GPC6: variants seen among roughly 807,000 people sequenced by gnomAD.
The protein encoded by GPC6 is glypican 6, also known as glypican-6.
GPC6 carries 14 observed loss-of-function variants against 55.2 expected under a neutral mutation model. The ratio of observed to expected loss-of-function variants is 0.25; its 90% CI spans 0.17 to 0.40. The LOEUF (loss-of-function observed/expected upper bound fraction) is 0.40. GPC6 is among the 10% of genes least tolerant of loss of function. The probability of loss-of-function intolerance (pLI) is 1.00; values close to 1 mark genes in which losing one functional copy is unlikely to be tolerated. For missense variants in GPC6, 641 were observed against 708.5 expected (o/e 0.90, Z 1.08); for synonymous variants, 278 against 259.6 (o/e 1.07, Z -0.68).
chr13:93,430,176 T>C (rs1877303496), intron 1 of GPC6, among the ~76,000 whole-genome samples: 1 of 152,102 alleles, frequency 6.6e-6, no homozygotes, highest in Admixed American at 6.6e-5. Flanking sequence ...ACTGACAAAA[T>C]AGTAACTGAT....
At chr13:93,789,563 A>ACT (rs1594458639) in intron 2 of GPC6, among the ~76,000 whole-genome samples, 1 of 114,700 alleles carries the variant, frequency 8.7e-6, no homozygotes, top group East Asian at 2.3e-4. Context: ...CTTAGTTAAT[A>ACT]ATATATATAT....
chr13:93,991,275 G>T (rs892358520), intron 3 of GPC6, among the ~76,000 whole-genome samples: 3 of 152,028 alleles, frequency 2.0e-5, no homozygotes, highest in African/African-American at 7.2e-5. Flanking sequence ...AAGAAATATT[G>T]CTTAGGAAGA....
At chr13:93,916,834 A>G (rs1032120942) in intron 3 of GPC6, among the ~76,000 whole-genome samples, 12 of 152,168 alleles carry the variant, frequency 7.9e-5, no homozygotes, top group African/African-American at 2.6e-4. Context: ...TTATTTTATT[A>G]TTATTATTTT....
chr13:93,358,330 A>C (rs1249274651), intron 1 of GPC6, among the ~76,000 whole-genome samples: 1 of 152,096 alleles, frequency 6.6e-6, no homozygotes, highest in Non-Finnish European at 1.5e-5. Context: ...ACAGAGTAAG[A>C]CCTTGTCTCA....
intron 4 of GPC6, among the ~76,000 whole-genome samples, chr13:94,187,649 A>C (rs772305759): frequency 6.6e-6 from 1 of 152,198 alleles, no homozygotes; most frequent in Non-Finnish European, 1.5e-5. Context: ...TCGGGCAAAC[A>C]TTGTTCTAGG....
At chr13:94,230,692 T>C (rs539009922) in intron 4 of GPC6, among the ~76,000 whole-genome samples, 72 of 152,306 alleles carry the variant, frequency 4.7e-4, no homozygotes, top group African/African-American at 1.7e-3. Flanking sequence ...TCTCAGAGGA[T>C]TGTTGAGAGT....
chr13:94,186,804 A>G (rs1479746997), intron 4 of GPC6: 1 of 152,234 alleles, frequency 6.6e-6, no homozygotes. Flanking sequence ...GTAGAATTAT[A>G]CCAGAGTTAG....
rs1881409232 is a variant in GPC6, at chr13:94,407,326, G to C, written c.*4109G>C. On this transcript the variant is annotated 3_prime_UTR_variant, in exon 9 of 9. Coordinates refer to ENST00000377047, the MANE Select transcript of GPC6 (RefSeq NM_005708.5). Reference sequence around the variant, plus strand: ...TGTGACTGTCAAATGAATATTATTTGGGTTAAGATTTTTCATTTCTGATTT... The same window carrying C: ...TGTGACTGTCAAATGAATATTATTTCGGTTAAGATTTTTCATTTCTGATTT... 6.6e-6 allele frequency: 1 copy of C among 151,954 alleles called. No individual in the cohort carries two copies. The highest frequency in any genetic ancestry group is 2.4e-5 in the African/African-American group (1 of 41,390). 9.4% of individuals were successfully genotyped at this position (151,954 alleles called of 1,614,324 possible).
intron 4 of GPC6, among the ~76,000 whole-genome samples, chr13:94,120,482 G>C (rs1461910206): frequency 6.6e-6 from 1 of 151,714 alleles, no homozygotes. Flanking sequence ...GGATTAAGTT[G>C]GGATGCATCT....
chr13:94,115,071 G>A (rs1886388896), intron 4 of GPC6, among the ~76,000 whole-genome samples: 1 of 152,086 alleles, frequency 6.6e-6, no homozygotes, highest in African/African-American at 2.4e-5. Context: ...GCAGTGTTGG[G>A]AATATTTTAT....
intron 6 of GPC6, among the ~76,000 whole-genome samples, chr13:94,336,428 G>A (rs116968072): frequency 6.6e-6 from 1 of 152,164 alleles, no homozygotes; most frequent in East Asian, 1.9e-4. Flanking sequence ...CATGATCAAG[G>A]CAATAATTTT....
intron 1 of GPC6, among the ~76,000 whole-genome samples, chr13:93,376,049 CTTT>C (rs11362182): frequency 1.1e-4 from 15 of 137,774 alleles, no homozygotes; most frequent in Admixed American, 1.5e-4. Context: ...GCATCTGGCA[CTTT>C]TTTTTTTTTT....
intron 3 of GPC6, among the ~76,000 whole-genome samples, chr13:93,898,321 C>A (rs889780329): frequency 6.6e-6 from 1 of 152,066 alleles, no homozygotes; most frequent in Non-Finnish European, 1.5e-5. Flanking sequence ...CCTCTGTGGG[C>A]TCACATTCTA....
intron 2 of GPC6, among the ~76,000 whole-genome samples, chr13:93,633,373 C>T (rs988964691): frequency 6.6e-6 from 1 of 152,122 alleles, no homozygotes; most frequent in Non-Finnish European, 1.5e-5. Context: ...CGGCCAGGCG[C>T]AGTGGCTCAC....
chr13:94,128,351 G>A (rs542878050), intron 4 of GPC6, among the ~76,000 whole-genome samples: 1 of 152,248 alleles, frequency 6.6e-6, no homozygotes, highest in South Asian at 2.1e-4. Flanking sequence ...TTTTAATAGA[G>A]AGCACAATAG....
chr13:94,295,535 A>G (rs1259609238), intron 5 of GPC6, among the ~76,000 whole-genome samples: 2 of 152,080 alleles, frequency 1.3e-5, no homozygotes, highest in Non-Finnish European at 1.5e-5. Flanking sequence ...AGAAAGGGAG[A>G]TGGATCTCTA....
At chr13:94,368,174 A>G (rs1324096573) in intron 6 of GPC6, among the ~76,000 whole-genome samples, 1 of 150,450 alleles carries the variant, frequency 6.6e-6, no homozygotes, top group Non-Finnish European at 1.5e-5. Context: ...AAAGTACCAC[A>G]CCACCGCGAA....
chr13:94,368,836 T>A (rs181891783), intron 6 of GPC6, among the ~76,000 whole-genome samples: 3 of 152,304 alleles, frequency 2.0e-5, no homozygotes, highest in African/African-American at 7.2e-5. Context: ...AATGATTTGG[T>A]GCTGTCAGAA....
intron 2 of GPC6, among the ~76,000 whole-genome samples, chr13:93,742,641 A>T (rs1465750887): frequency 6.6e-6 from 1 of 152,180 alleles, no homozygotes; most frequent in African/African-American, 2.4e-5. Context: ...ACCTCATGTC[A>T]TGCCTCTGGG....
Sources: allele counts gnomAD v4.1 joint callset (sites outside exome capture counted in the v4.1 genomes callset), GRCh38; gene constraint gnomAD v4.1.1; transcripts MANE v1.5; gene names NCBI Gene and HGNC (gene_info 2026-07-23, HGNC 2026-07-21).